The following ARIH2 variants were observed in gnomAD, a reference collection of about 807,000 sequenced individuals.
ARIH2 encodes E3 ubiquitin-protein ligase ARIH2.
ARIH2 carries 12 observed loss-of-function variants against 79.8 expected under a neutral mutation model. The ratio of observed to expected loss-of-function variants is 0.15; its 90% CI spans 0.10 to 0.24. The LOEUF (loss-of-function observed/expected upper bound fraction) is 0.24. Among genes scored for constraint, ARIH2 ranks in the 10% least tolerant of loss-of-function variants. ARIH2 has a pLI of 1.00. For missense variants in ARIH2, 301 were observed against 618.3 expected (o/e 0.49, Z 5.44); for synonymous variants, 224 against 213.9 (o/e 1.05, Z -0.41).
chr3:48,958,555 C>A (rs577096276), intron 3 of ARIH2, among the ~76,000 whole-genome samples: 82 of 151,830 alleles, frequency 5.4e-4, no homozygotes, highest in Admixed American at 2.0e-3. Context: ...ACTAAAAATA[C>A]AAAAATTAGC....
At chr3:48,979,083 CAGT>C (rs2092660769) in intron 11 of ARIH2, among the ~76,000 whole-genome samples, 2 of 152,104 alleles carry the variant, frequency 1.3e-5, no homozygotes, top group South Asian at 4.1e-4. Context: ...GGGTAGGAAG[CAGT>C]AGGGAGGTCA....
intron 3 of ARIH2, among the ~76,000 whole-genome samples, chr3:48,931,826 G>A (rs2107010717): frequency 6.6e-6 from 1 of 152,204 alleles, no homozygotes; most frequent in East Asian, 1.9e-4. Context: ...GGCTAACACA[G>A]TGAAAAACCT....
At chr3:48,968,247 G>A (rs954012251) in intron 6 of ARIH2, 9 of 145,776 alleles carry the variant, frequency 6.2e-5, no homozygotes, top group Non-Finnish European at 1.1e-4. Context: ...TCGCTCTGTC[G>A]CCCAGGCTGG....
At chr3:48,973,585 A>G in intron 8 of ARIH2, 114 bp from the exon 9 acceptor site, 1 of 744,654 alleles carries the variant, frequency 1.3e-6, no homozygotes, top group East Asian at 2.7e-5. Context: ...CAAAAAAAAA[A>G]AAAAAAAGAA....
intron 1 of ARIH2, among the ~76,000 whole-genome samples, chr3:48,919,957 C>G (rs1208163139): frequency 6.6e-6 from 1 of 150,834 alleles, no homozygotes; most frequent in Non-Finnish European, 1.5e-5. Context: ...GAACATGTGA[C>G]TTTGGCTCTG....
intron 3 of ARIH2, among the ~76,000 whole-genome samples, chr3:48,947,674 C>T (rs1231905546): frequency 3.3e-5 from 5 of 152,058 alleles, no homozygotes; most frequent in Non-Finnish European, 7.4e-5. Context: ...TAAGGGTCAA[C>T]CCTTTGTATA....
At chr3:48,963,258 C>G (rs2091461156) in intron 4 of ARIH2, among the ~76,000 whole-genome samples, 1 of 152,182 alleles carries the variant, frequency 6.6e-6, no homozygotes, top group African/African-American at 2.4e-5. Flanking sequence ...TATTATACTA[C>G]TGCCCAAAAC....
intron 2 of ARIH2, chr3:48,927,212 C>G (rs748145026): frequency 9.3e-5 from 25 of 267,724 alleles, no homozygotes; most frequent in Non-Finnish European, 1.4e-4. Flanking sequence ...AGCAGACAGC[C>G]TTGCCCTGTC....
intron 4 of ARIH2, among the ~76,000 whole-genome samples, chr3:48,964,222 G>T (rs1457063606): frequency 6.6e-6 from 1 of 151,848 alleles, no homozygotes; most frequent in Non-Finnish European, 1.5e-5. Context: ...GGCCAGGTTG[G>T]TCTCAAACTC....
chr3:48,951,831 T>C (rs1328140559), intron 3 of ARIH2, among the ~76,000 whole-genome samples: 3 of 152,200 alleles, frequency 2.0e-5, no homozygotes, highest in South Asian at 2.1e-4. Flanking sequence ...TTCTGTTTTA[T>C]CAACTTTGTT....
At chr3:48,972,722 C>T (rs1325036681) in intron 8 of ARIH2, among the ~76,000 whole-genome samples, 1 of 151,996 alleles carries the variant, frequency 6.6e-6, no homozygotes, top group Non-Finnish European at 1.5e-5. Flanking sequence ...TAAAGCAATC[C>T]TTTTTTTAAA....
chr3:48,943,214 G>A (rs532767135), intron 3 of ARIH2: 7 of 152,238 alleles, frequency 4.6e-5, no homozygotes, highest in East Asian at 1.9e-4. Flanking sequence ...AATTTAAAGT[G>A]GATTCTTCAG....
At chr3:48,982,145 A>G (rs932746516) in intron 14 of ARIH2, among the ~76,000 whole-genome samples, 3 of 152,276 alleles carry the variant, frequency 2.0e-5, no homozygotes, top group African/African-American at 7.2e-5. Flanking sequence ...TTAATAAACT[A>G]GTAATTAACA....
intron 7 of ARIH2, among the ~76,000 whole-genome samples, chr3:48,969,486 T>C (rs1263588997): frequency 6.6e-6 from 1 of 150,450 alleles, no homozygotes; most frequent in African/African-American, 2.4e-5. Context: ...CTTTTTCTTT[T>C]TCTTCTTTTT....
chr3:48,943,080 A>T (rs1275658210), intron 3 of ARIH2: 1 of 152,076 alleles, frequency 6.6e-6, no homozygotes, highest in Non-Finnish European at 1.5e-5. Flanking sequence ...CGCCTCGCCA[A>T]CCTCTTCTTT....
Position 48,940,806 on chromosome 3 carries a change from A to T in ARIH2, c.255+12993A>T, listed in dbSNP as rs868130373. Among the ~76,000 whole-genome samples, 281 of 87,160 alleles carry T rather than the reference A, an allele frequency of 3.2e-3. 2 individuals are homozygous for T. Among genetic ancestry groups the T allele is most frequent in the African/African-American group, 0.01 (273 of 26,250 alleles). The allele number at this position is 87,160 out of a possible 152,430, so 57.2% of individuals were successfully genotyped here. A position where few individuals can be genotyped will look rare whatever the true frequency, so the allele number is the denominator to read the frequency against. On this transcript the variant is annotated intron_variant, in intron 3 of 15. Coordinates refer to ENST00000356401, the MANE Select transcript of ARIH2 (RefSeq NM_006321.4). ...GGAGACTCCGTCTCAAAAAAAAAAA[A>T]AAATATATATATATATATATATAGC...
chr3:48,973,990 G>T (rs2092379411), intron 9 of ARIH2, among the ~76,000 whole-genome samples, 174 bp downstream of exon 9: 1 of 152,138 alleles, frequency 6.6e-6, no homozygotes, highest in Non-Finnish European at 1.5e-5. Flanking sequence ...TTTATTATAG[G>T]ATGCATTGGG....
intron 3 of ARIH2, among the ~76,000 whole-genome samples, chr3:48,940,263 G>A (rs1264097377): frequency 1.3e-5 from 2 of 152,168 alleles, no homozygotes; most frequent in Non-Finnish European, 1.5e-5. Context: ...CCAGCTACTC[G>A]GGAGGCTGAG....
In ARIH2 at chr3:48,985,043, A is replaced by G. The variant is rs1305101065; in HGVS notation, c.*1773A>G. The G allele has an allele frequency of 6.6e-6, 1 of 152,258 alleles. No homozygotes were observed. Among genetic ancestry groups the G allele is most frequent in the Non-Finnish European group, 1.5e-5 (1 of 68,092 alleles). The allele number at this position is 152,258 out of a possible 1,614,324, so 9.4% of individuals were successfully genotyped here. On this transcript the variant is annotated 3_prime_UTR_variant, in exon 16 of 16. Coordinates refer to ENST00000356401, the MANE Select transcript of ARIH2 (RefSeq NM_006321.4). Reference sequence around the variant, plus strand: ...GAATGAGGAGAGTACCTGCTGCAGGACCTGGAGGTCAGGTGTGAATGCTGT... The same window carrying G: ...GAATGAGGAGAGTACCTGCTGCAGGGCCTGGAGGTCAGGTGTGAATGCTGT...
Sources: gnomAD v4.1 joint callset for allele counts (sites outside exome capture counted in the v4.1 genomes callset) on GRCh38, gnomAD v4.1.1 for gene constraint, MANE v1.5 for transcripts, NCBI Gene and HGNC (gene_info 2026-07-23, HGNC 2026-07-21) for gene names.